IPMK: variants seen among roughly 807,000 people sequenced by gnomAD.
IPMK encodes the protein inositol polyphosphate multikinase.
Under a neutral mutation model 45.8 loss-of-function variants are expected in IPMK, and 17 were observed. That is an observed-to-expected ratio of 0.37 (90% CI 0.25 to 0.56). IPMK has a LOEUF of 0.56. IPMK is among the 20% of genes least tolerant of loss of function. The pLI is 0.79. For missense variants in IPMK, 399 were observed against 498.0 expected (o/e 0.80, Z 1.89); for synonymous variants, 180 against 184.3 (o/e 0.98, Z 0.19).
intron 3 of IPMK, among the ~76,000 whole-genome samples, chr10:58,221,968 T>TG (rs933386079): frequency 6.6e-6 from 1 of 152,034 alleles, no homozygotes; most frequent in Non-Finnish European, 1.5e-5. Flanking sequence ...AGGCTAGTCT[T>TG]GAACTCCTGA....
At position 58,217,688 on chromosome 10, in the gene IPMK, C is replaced by CAAAAAAAAAAAA. The variant is rs11393849; in HGVS notation, c.374-1383_374-1372dup. ...GGGCAACAAGAGCAAAACTCCATCT[C>CAAAAAAAAAAAA]AAAAAAAAAAAAAAAAAAAAAGAAT... is the stretch of plus-strand genomic sequence containing the variant. On this transcript the variant is annotated intron_variant, in intron 3 of 5. Coordinates refer to ENST00000373935, the MANE Select transcript of IPMK (RefSeq NM_152230.5). 4.7e-3 allele frequency among the ~76,000 whole-genome samples: 230 copies of CAAAAAAAAAAAA among 49,208 alleles called. 5 individuals carry two copies. The highest frequency in any genetic ancestry group is 0.018 in the East Asian group (26 of 1,416). 32.3% of individuals were successfully genotyped at this position (49,208 alleles called of 152,430 possible).
At chr10:58,262,884 T>A (rs1839095783) in intron 1 of IPMK, among the ~76,000 whole-genome samples, 1 of 152,062 alleles carries the variant, frequency 6.6e-6, no homozygotes, top group African/African-American at 2.4e-5. Flanking sequence ...GGAAGAGCTA[T>A]TTCTTGGAAT....
At chr10:58,242,715 C>T (rs893684120) in intron 1 of IPMK, among the ~76,000 whole-genome samples, 1 of 152,004 alleles carries the variant, frequency 6.6e-6, no homozygotes, top group Non-Finnish European at 1.5e-5. Flanking sequence ...AAGAAAGCAT[C>T]CCAGATCTAT....
In IPMK at chr10:58,195,338, A is replaced by G. The variant is rs1837875585; in HGVS notation, c.*738T>C. ...CTCATGAATGAAAGATTGTAAAGGAAAATATTTTGTTCCTTGAAAATAATA... is the reference window on the plus strand; with the variant it reads ...CTCATGAATGAAAGATTGTAAAGGAGAATATTTTGTTCCTTGAAAATAATA... On this transcript the variant is annotated 3_prime_UTR_variant, in exon 6 of 6. Coordinates refer to ENST00000373935, the MANE Select transcript of IPMK (RefSeq NM_152230.5). The G allele has an allele frequency of 6.6e-6, 1 of 152,080 alleles. No homozygotes were observed. Among genetic ancestry groups the G allele is most frequent in the African/African-American group, 2.4e-5 (1 of 41,450 alleles). The allele number at this position is 152,080 out of a possible 1,614,324, so 9.4% of individuals were successfully genotyped here. A position where few individuals can be genotyped will look rare whatever the true frequency, so the allele number is the denominator to read the frequency against.
chr10:58,264,256 AC>A (rs1839116191), intron 1 of IPMK, among the ~76,000 whole-genome samples: 1 of 152,216 alleles, frequency 6.6e-6, no homozygotes, highest in African/African-American at 2.4e-5. Flanking sequence ...AGATAATAAA[AC>A]AAATTTTGCA....
Position 58,196,123 on chromosome 10 carries a change from C to G in IPMK, c.1204G>C (p.Gly402Arg). The change falls in exon 6 of 6, where the codon GGG (glycine) becomes CGG (arginine). Residue 402 changes from glycine to arginine, a missense_variant. Coordinates refer to ENST00000373935, the MANE Select transcript of IPMK (RefSeq NM_152230.5). The stretch of plus-strand genomic sequence containing the variant: ...AGTACAGAAATTAAATGCTTTAGCC[C>G]ATAAACATATCCCTCATCTATTGTG... ...SNTIDEGYVY[G>R]LKHLISVLRS... 1 of 1,613,846 alleles carries G rather than the reference C, an allele frequency of 6.2e-7. No homozygotes were observed. The highest frequency in any genetic ancestry group is 8.5e-7 in the Non-Finnish European group (1 of 1,179,794).
chr10:58,195,849 C>T lies in IPMK; in HGVS notation c.*227G>A, dbSNP rs1305798658. The stretch of plus-strand genomic sequence containing the variant: ...TTTAAGCCATGTACCACCACATTCC[C>T]TGCTTAACATTCCTAAGTTTCTTTA... On this transcript the variant is annotated 3_prime_UTR_variant, in exon 6 of 6. Coordinates refer to ENST00000373935, the MANE Select transcript of IPMK (RefSeq NM_152230.5). 4.2e-6 allele frequency: 2 copies of T among 473,870 alleles called. No individual in the cohort carries two copies. Among genetic ancestry groups the T allele is most frequent in the Admixed American group, 7.8e-5 (2 of 25,520 alleles). 29.4% of individuals were successfully genotyped at this position (473,870 alleles called of 1,614,324 possible). A position where few individuals can be genotyped will look rare whatever the true frequency, so the allele number is the denominator to read the frequency against.
chr10:58,201,308 A>C (rs1837994017), intron 4 of IPMK, among the ~76,000 whole-genome samples: 2 of 152,164 alleles, frequency 1.3e-5, no homozygotes, highest in Admixed American at 1.3e-4. Flanking sequence ...GAGCAAATCT[A>C]TTGGTGCCAC....
chr10:58,261,653 G>A (rs764083165), intron 1 of IPMK, among the ~76,000 whole-genome samples: 22 of 151,310 alleles, frequency 1.5e-4, no homozygotes, highest in Non-Finnish European at 2.5e-4. Context: ...GCACAGTCTC[G>A]GCTCACTGCA....
intron 1 of IPMK, among the ~76,000 whole-genome samples, chr10:58,250,332 G>A (rs1251805825): frequency 6.6e-6 from 1 of 152,092 alleles, no homozygotes; most frequent in Non-Finnish European, 1.5e-5. Flanking sequence ...CATATTGTGT[G>A]TCTTCTTCAA....
At chr10:58,244,315 C>T (rs1308107522) in intron 1 of IPMK, among the ~76,000 whole-genome samples, 6 of 134,066 alleles carry the variant, frequency 4.5e-5, no homozygotes, top group South Asian at 4.9e-4. Context: ...CTGCCCAGGC[C>T]GCCCCGTCTG....
intron 1 of IPMK, among the ~76,000 whole-genome samples, chr10:58,266,445 T>G (rs2132271211): frequency 6.6e-6 from 1 of 152,334 alleles, no homozygotes; most frequent in East Asian, 1.9e-4. Context: ...CTTAACATAT[T>G]GTAACGTGAC....
At chr10:58,205,537 A>C (rs1285084978) in intron 4 of IPMK, among the ~76,000 whole-genome samples, 1 of 152,214 alleles carries the variant, frequency 6.6e-6, no homozygotes, top group South Asian at 2.1e-4. Flanking sequence ...TGTGGAGAAA[A>C]TGGAACCATC....
At chr10:58,231,584 G>A (rs1054225970) in intron 2 of IPMK, among the ~76,000 whole-genome samples, 38 of 152,064 alleles carry the variant, frequency 2.5e-4, no homozygotes, top group African/African-American at 8.5e-4. Flanking sequence ...ACTAAGCTTC[G>A]TAAGTGAAGG....
In IPMK at chr10:58,229,562, C is replaced by CAAAAAAAA. The variant is rs574403627; in HGVS notation, c.277-2431_277-2424dup. Among the ~76,000 whole-genome samples, 171 of 72,820 alleles carry CAAAAAAAA rather than the reference C, an allele frequency of 2.3e-3. 6 individuals carry two copies. The highest frequency in any genetic ancestry group is 6.4e-3 in the African/African-American group (101 of 15,718). 47.8% of individuals were successfully genotyped at this position (72,820 alleles called of 152,430 possible). A position where few individuals can be genotyped will look rare whatever the true frequency, so the allele number is the denominator to read the frequency against. ...TGGGCAACAGAGCGAGACCACGTCT[C>CAAAAAAAA]AAAAAAAAAAAAAAAAAAGTAATCT... On this transcript the variant is annotated intron_variant, in intron 2 of 5. Transcript: ENST00000373935.
At chr10:58,260,619 T>C (rs559557121) in intron 1 of IPMK, among the ~76,000 whole-genome samples, 1 of 152,170 alleles carries the variant, frequency 6.6e-6, no homozygotes, top group African/African-American at 2.4e-5. Context: ...TAGTTCACTG[T>C]ACTATTCTGG....
rs764972658 is a variant in IPMK at position 58,196,565 on chromosome 10, G to C, written c.762C>G (p.Leu254=). Residue 254 remains leucine, a synonymous_variant, in exon 6 of 6, where the codon CTC becomes CTG. Transcript: ENST00000373935. ...GCTGAGATGAACCTTCATAAACAAA[G>C]AGTAATGAACTTGCGTAAAAATTAA... The part of the protein sequence containing the change: ...KQLNFYASSL[L]FVYEGSSQPT... 1.9e-6 allele frequency: 3 copies of C among 1,614,054 alleles called. No homozygotes were observed. The highest frequency in any genetic ancestry group is 2.5e-6 in the Non-Finnish European group (3 of 1,180,022).
chr10:58,199,203 T>C (rs1483327718), intron 5 of IPMK, 37 bp downstream of exon 5: 3 of 1,270,068 alleles, frequency 2.4e-6, no homozygotes, highest in Non-Finnish European at 3.4e-6. Context: ...GTCTTTTAAC[T>C]GTTCAATCAT....
chr10:58,206,617 A>C (rs568080206), intron 4 of IPMK, among the ~76,000 whole-genome samples: 1 of 152,148 alleles, frequency 6.6e-6, no homozygotes, highest in African/African-American at 2.4e-5. Context: ...AACCCAAAGA[A>C]GAGTTTACTA....
Sources: allele counts gnomAD v4.1 joint callset (sites outside exome capture counted in the v4.1 genomes callset), GRCh38; gene constraint gnomAD v4.1.1; transcripts MANE v1.5; gene names NCBI Gene and HGNC (gene_info 2026-07-23, HGNC 2026-07-21).